ELOC: variants seen among roughly 807,000 people sequenced by gnomAD.
The protein encoded by ELOC is elongin C.
For missense variants in ELOC, 38 were observed against 139.0 expected (o/e 0.27, Z 3.65); for synonymous variants, 40 against 51.3 (o/e 0.78, Z 0.94).
intron 1 of ELOC, among the ~76,000 whole-genome samples, chr8:73,963,112 T>C (rs537502855): frequency 9.2e-5 from 14 of 152,314 alleles, no homozygotes; most frequent in South Asian, 2.1e-4. Context: ...TGAGACGTCA[T>C]TATGCTTTTA....
At chr8:73,962,116 G>A (rs1814648516) in intron 1 of ELOC, among the ~76,000 whole-genome samples, 1 of 152,042 alleles carries the variant, frequency 6.6e-6, no homozygotes, top group South Asian at 2.1e-4. Context: ...GGCTGGTCTT[G>A]AGCTCCTGAC....
At chr8:73,947,644 G>C (rs746585758) in intron 3 of ELOC, among the ~76,000 whole-genome samples, 24 of 151,718 alleles carry the variant, frequency 1.6e-4, no homozygotes, top group Non-Finnish European at 2.8e-4. Flanking sequence ...CATGGTTGTG[G>C]CTCACTGTAA....
intron 2 of ELOC, among the ~76,000 whole-genome samples, chr8:73,959,085 C>CTG (rs1814410151): frequency 6.6e-6 from 1 of 152,090 alleles, no homozygotes; most frequent in Non-Finnish European, 1.5e-5. Context: ...AAAGGTATAC[C>CTG]TGTATAGGGC....
At chr8:73,958,617 T>C (rs1044569805) in intron 2 of ELOC, among the ~76,000 whole-genome samples, 1 of 152,244 alleles carries the variant, frequency 6.6e-6, no homozygotes, top group Admixed American at 6.5e-5. Flanking sequence ...TAGCAGTTTT[T>C]GCCAACCTCA....
At chr8:73,953,494 T>C (rs1813915740) in intron 3 of ELOC, among the ~76,000 whole-genome samples, 1 of 151,836 alleles carries the variant, frequency 6.6e-6, no homozygotes, top group African/African-American at 2.4e-5. Context: ...CTGACCAACA[T>C]GGAGAAACCC....
intron 1 of ELOC, among the ~76,000 whole-genome samples, chr8:73,968,225 C>T (rs1586622753): frequency 6.6e-6 from 1 of 152,272 alleles, no homozygotes; most frequent in East Asian, 1.9e-4. Flanking sequence ...CCAAATGAGA[C>T]AATTGGACTC....
rs7002901 is a variant in ELOC, at chr8:73,967,748, G to A, written c.-51+4329C>T. Among the ~76,000 whole-genome samples, 898 of 152,242 alleles carry A rather than the reference G, an allele frequency of 5.9e-3. 9 individuals carry two copies. Among genetic ancestry groups the A allele is most frequent in the Non-Finnish European group, 8.8e-3 (598 of 68,020 alleles). On this transcript the variant is annotated intron_variant, in intron 1 of 3. Transcript: ENST00000520242. ...CTCCCAAAGTGCTGGGATTACAGGC[G>A]TGAGCCACTGCATCCGGCCTATAAT...
intron 2 of ELOC, among the ~76,000 whole-genome samples, chr8:73,958,273 T>TA (rs1814345437): frequency 1.3e-5 from 2 of 151,984 alleles, no homozygotes; most frequent in Admixed American, 6.6e-5. Context: ...CTTTGTTTTT[T>TA]AAAAAATGGC....
intron 1 of ELOC, among the ~76,000 whole-genome samples, chr8:73,970,996 T>A (rs1815340802): frequency 8.1e-6 from 1 of 123,200 alleles, no homozygotes; most frequent in Non-Finnish European, 1.6e-5. Context: ...ATCAAGTCAC[T>A]GCACTCCAGC....
In ELOC at chr8:73,970,748, C is replaced by T. The variant is rs1586626509; in HGVS notation, c.-51+1329G>A. 3 of 151,652 alleles carry T rather than the reference C, an allele frequency of 2.0e-5. No individual in the cohort carries two copies. The South Asian group carries it at 6.2e-4, about 32-fold the overall frequency. The allele number at this position is 151,652 out of a possible 1,614,324, so 9.4% of individuals were successfully genotyped here. On this transcript the variant is annotated intron_variant, in intron 1 of 3. Coordinates refer to ENST00000520242, the MANE Select transcript of ELOC (RefSeq NM_005648.4). The stretch of plus-strand genomic sequence containing the variant: ...CAAAAAGCAAATATGGAGCCAAGCG[C>T]GGTGGCTCACGCCTGTAATCGTAGC...
chr8:73,957,610 C>T (rs1814281160), intron 2 of ELOC, among the ~76,000 whole-genome samples: 1 of 152,138 alleles, frequency 6.6e-6, no homozygotes, highest in African/African-American at 2.4e-5. Flanking sequence ...TGTGCTCCCA[C>T]TGCCAAAAAT....
chr8:73,961,152 C>T (rs1200123255), intron 1 of ELOC, among the ~76,000 whole-genome samples: 4 of 152,192 alleles, frequency 2.6e-5, no homozygotes, highest in Non-Finnish European at 5.9e-5. Context: ...AATGGTTTCA[C>T]TTTCTCAGTA....
At position 73,945,645 on chromosome 8, in the gene ELOC, T is replaced by G. The variant is rs537117381; in HGVS notation, c.*985A>C. 53 of 152,302 alleles carry G rather than the reference T, an allele frequency of 3.5e-4. No individual in the cohort carries two copies. The highest frequency in any genetic ancestry group is 9.6e-4 in the African/African-American group (40 of 41,578). The allele number at this position is 152,302 out of a possible 1,614,324, so 9.4% of individuals were successfully genotyped here. A position where few individuals can be genotyped will look rare whatever the true frequency, so the allele number is the denominator to read the frequency against. On this transcript the variant is annotated 3_prime_UTR_variant, in exon 4 of 4. Transcript: ENST00000520242. ...GAAGACCCACTGATTATGGGTATAT[T>G]TATTGGGACATATTTTAATAGAAGA...
At chr8:73,957,596 C>T (rs1356542918) in intron 2 of ELOC, among the ~76,000 whole-genome samples, 1 of 152,110 alleles carries the variant, frequency 6.6e-6, no homozygotes. Flanking sequence ...ATCAAAATCA[C>T]TCATGTGCTC....
intron 1 of ELOC, among the ~76,000 whole-genome samples, chr8:73,968,059 C>G (rs1815110573): frequency 6.6e-6 from 1 of 152,166 alleles, no homozygotes; most frequent in Non-Finnish European, 1.5e-5. Context: ...GCTTTCATCT[C>G]TTATCATAAA....
At chr8:73,951,391 C>T (rs1214831385) in intron 3 of ELOC, among the ~76,000 whole-genome samples, 5 of 152,096 alleles carry the variant, frequency 3.3e-5, no homozygotes, top group Non-Finnish European at 7.4e-5. Context: ...TGTGGCCACA[C>T]ACAGTGGCTC....
chr8:73,970,872 A>C (rs201783840), intron 1 of ELOC, among the ~76,000 whole-genome samples: 10 of 149,300 alleles, frequency 6.7e-5, no homozygotes, highest in Non-Finnish European at 1.5e-4. Flanking sequence ...AACAAAACAA[A>C]AAAAAAACAA....
intron 3 of ELOC, chr8:73,955,678 T>C (rs1029909219): frequency 2.0e-6 from 1 of 490,218 alleles, no homozygotes; most frequent in Non-Finnish European, 3.7e-6. Flanking sequence ...GGCAGGAGAA[T>C]TGCCTGAACC....
rs145321978 is a variant in ELOC at position 73,957,778 on chromosome 8, ATTTG to A, written c.5-1728_5-1725del. 3.8e-3 allele frequency among the ~76,000 whole-genome samples: 581 copies of A among 151,490 alleles called. 2 individuals are homozygous for A. Among genetic ancestry groups the A allele is most frequent in the African/African-American group, 0.013 (551 of 41,410 alleles). Reference sequence around the variant, plus strand: ...CATCCATCCATCCACCCACCCAACTATTTGTTTATTTATTTTTATTTTTTGAGAT... The same window carrying A: ...CATCCATCCATCCACCCACCCAACTATTTATTTATTTTTATTTTTTGAGAT... On this transcript the variant is annotated intron_variant, in intron 2 of 3. Transcript: ENST00000520242.
Sources: allele counts gnomAD v4.1 joint callset (sites outside exome capture counted in the v4.1 genomes callset), GRCh38; gene constraint gnomAD v4.1.1; transcripts MANE v1.5; gene names NCBI Gene and HGNC (gene_info 2026-07-23, HGNC 2026-07-21).